TANGO2: variants seen among roughly 807,000 people sequenced by gnomAD.
The protein encoded by TANGO2 is transport and Golgi organization protein 2 homolog.
TANGO2 carries 26 observed loss-of-function variants against 39.1 expected under a neutral mutation model. That is an observed-to-expected ratio of 0.67 (90% CI 0.49 to 0.92). TANGO2 has a LOEUF of 0.92. TANGO2 is among the 40% of genes least tolerant of loss of function. The probability of loss-of-function intolerance (pLI) is 0.00; values close to 1 mark genes in which losing one functional copy is unlikely to be tolerated. For missense variants in TANGO2, 326 were observed against 360.1 expected (o/e 0.91, Z 0.77); for synonymous variants, 131 against 144.5 (o/e 0.91, Z 0.67).
intron 3 of TANGO2, among the ~76,000 whole-genome samples, chr22:20,043,875 G>C (rs1569284396): frequency 6.6e-6 from 1 of 152,164 alleles, no homozygotes; most frequent in African/African-American, 2.4e-5. Flanking sequence ...CCTTGCTTCA[G>C]GGATGGTGGG....
chr22:20,055,485 C>A (rs539612409), intron 5 of TANGO2: 1 of 226,550 alleles, frequency 4.4e-6, no homozygotes, highest in Admixed American at 5.1e-5. Context: ...AAAATGTGGT[C>A]TTTGGCGCTT....
intron 7 of TANGO2, 183 bp downstream of exon 7, chr22:20,061,866 C>A: frequency 1.3e-6 from 1 of 768,956 alleles, no homozygotes; most frequent in South Asian, 2.2e-5. Flanking sequence ...GTTTCCAACA[C>A]CAGGGACTTT....
rs1277890757 is a variant in TANGO2, at chr22:20,052,523, C to T, written c.204C>T (p.Gly68=). The T allele has an allele frequency of 2.5e-6, 4 of 1,605,578 alleles. No individual in the cohort carries two copies. Among genetic ancestry groups the T allele is most frequent in the Non-Finnish European group, 3.4e-6 (4 of 1,176,356 alleles). ...GGTWLGISTR[G]KLAALTNYLQ... ...CATGGCTGGGCATCAGCACACGTGG[C>T]AAGCTGGCAGCACTCACCAACTACC... The change falls in exon 4 of 9, where the codon GGC becomes GGT. Residue 68 remains glycine (G), a synonymous_variant. Coordinates refer to ENST00000327374, the MANE Select transcript of TANGO2 (RefSeq NM_152906.7).
rs973552992 is a variant in TANGO2, at chr22:20,033,877, A to G, written c.-39-2883A>G. Among the ~76,000 whole-genome samples the G allele has an allele frequency of 5.3e-5, 8 of 152,358 alleles. 1 individual carries two copies. In the South Asian group the frequency reaches 1.0e-3, roughly 20 times the overall value. On this transcript the variant is annotated intron_variant, in intron 1 of 8. Transcript: ENST00000327374. ...AACCCACAGCTGAGCTTTAATGTGC[A>G]GTCACTGAAGCTTTCATTTCTAAAA... is the stretch of plus-strand genomic sequence containing the variant.
At chr22:20,052,984 T>A (rs1207709167) in intron 4 of TANGO2, among the ~76,000 whole-genome samples, 1 of 152,058 alleles carries the variant, frequency 6.6e-6, no homozygotes. Context: ...CCCTCTGGCG[T>A]CGCAGCCAGG....
chr22:20,036,864 T>C lies in TANGO2; in HGVS notation c.56+10T>C, dbSNP rs761581879. 2 of 1,614,108 alleles carry C rather than the reference T, an allele frequency of 1.2e-6. No homozygotes were observed. Among genetic ancestry groups the C allele is most frequent in the Non-Finnish European group, 1.7e-6 (2 of 1,180,052 alleles). On this transcript the variant is annotated intron_variant, in intron 2 of 8. Transcript: ENST00000327374. The stretch of plus-strand genomic sequence containing the variant: ...CCAAAAACGCGTACAGGTAACCCCC[T>C]CGCTCTGCATCTGCTGCGCCCTGCA...
chr22:20,024,644 G>A (rs2040385414), intron 1 of TANGO2, among the ~76,000 whole-genome samples: 1 of 152,216 alleles, frequency 6.6e-6, no homozygotes, highest in African/African-American at 2.4e-5. Context: ...GACTCACCAT[G>A]TGCAGCCCCA....
Position 20,057,892 on chromosome 22 carries a change from G to A in TANGO2, c.451+1879G>A, listed in dbSNP as rs1022187722. On this transcript the variant is annotated intron_variant, in intron 6 of 8. Coordinates refer to ENST00000327374, the MANE Select transcript of TANGO2 (RefSeq NM_152906.7). The surrounding 1 kb of genome is among the most constrained non-coding windows in gnomAD (Gnocchi z 4.1). The stretch of plus-strand genomic sequence containing the variant: ...GGGCAGTCGCTGTAACCATCCACGT[G>A]GCATCCTCGGTTCTCAGAGGCTGAG... 8.5e-5 allele frequency: 13 copies of A among 152,292 alleles called. No individual in the cohort carries two copies. Among genetic ancestry groups the A allele is most frequent in the African/African-American group, 2.9e-4 (12 of 41,548 alleles). 9.4% of individuals were successfully genotyped at this position (152,292 alleles called of 1,614,324 possible). A position where few individuals can be genotyped will look rare whatever the true frequency, so the allele number is the denominator to read the frequency against.
Position 20,043,420 on chromosome 22 carries a change from G to A in TANGO2, c.122G>A (p.Gly41Glu). ...SRPSKLADFW[G>E]NNNEILSGLD... ...CCCTCCAAGTTAGCTGACTTCTGGG[G>A]GAACAACAACGAGATCCTCAGTGGT... Residue 41 changes from glycine (G) to glutamate (E), a missense_variant, in exon 3 of 9, where the codon GGG becomes GAG. Coordinates refer to ENST00000327374, the MANE Select transcript of TANGO2 (RefSeq NM_152906.7). 1.9e-6 allele frequency: 3 copies of A among 1,613,388 alleles called. No homozygotes were observed. Among genetic ancestry groups the A allele is most frequent in the African/African-American group, 1.3e-5 (1 of 75,060 alleles).
rs1374447640 is a variant in TANGO2, at chr22:20,061,345, C to T, written c.452-185C>T. On this transcript the variant is annotated intron_variant, in intron 6 of 8. Coordinates refer to ENST00000327374, the MANE Select transcript of TANGO2 (RefSeq NM_152906.7). ...TCCGCCTACTGCTGAGTTCTCCTCT[C>T]CTTGCCATGCCATCAGGTCAGGAAT... 4 of 633,706 alleles carry T rather than the reference C, an allele frequency of 6.3e-6. No individual in the cohort carries two copies. The Admixed American group carries it at 1.4e-4, about 22-fold the overall frequency. 39.3% of individuals were successfully genotyped at this position (633,706 alleles called of 1,614,324 possible).
chr22:20,055,877 C>T, intron 5 of TANGO2, 66 bp from the exon 6 acceptor site: 1 of 1,383,374 alleles, frequency 7.2e-7, no homozygotes, highest in Non-Finnish European at 1.0e-6. Context: ...GCTGTGAGAT[C>T]ACCGGGCAGT....
chr22:20,050,115 G>A (rs1475688353), intron 3 of TANGO2, among the ~76,000 whole-genome samples: 4 of 151,996 alleles, frequency 2.6e-5, no homozygotes, highest in Admixed American at 2.6e-4. Context: ...GGAGGCTGAG[G>A]CAGGAGAATG....
chr22:20,035,921 C>T (rs2531712), intron 1 of TANGO2, among the ~76,000 whole-genome samples: 4,594 of 152,232 alleles, frequency 0.03, 114 homozygotes, highest in South Asian at 0.079. Flanking sequence ...TATACTAGGC[C>T]ACCCTGCTTG....
At chr22:20,055,868 C>T (rs2047232098) in intron 5 of TANGO2, 75 bp from the exon 6 acceptor site, 3 of 1,314,896 alleles carry the variant, frequency 2.3e-6, no homozygotes, top group South Asian at 2.4e-5. Flanking sequence ...AGAAACAGGG[C>T]TGTGAGATCA....
At chr22:20,063,088 G>T (rs1243193417) in intron 7 of TANGO2, 1 of 422,902 alleles carries the variant, frequency 2.4e-6, no homozygotes, top group African/African-American at 2.0e-5. Flanking sequence ...CTCGGGAGGT[G>T]GAAGTTGCAG....
At chr22:20,019,975 C>G (rs1478549709), upstream of TANGO2, among the ~76,000 whole-genome samples, 1 of 152,348 alleles carries the variant, frequency 6.6e-6, no homozygotes, top group African/African-American at 2.4e-5. Context: ...GCACAACGGG[C>G]CCGCATGTAG....
chr22:20,017,976 C>T (rs1052333910), upstream of TANGO2, among the ~76,000 whole-genome samples: 36 of 152,212 alleles, frequency 2.4e-4, no homozygotes, highest in African/African-American at 8.4e-4. Flanking sequence ...GCCTGGGGAA[C>T]CAAACTGCCC....
Position 20,061,380 on chromosome 22 carries a change from G to A in TANGO2, c.452-150G>A, listed in dbSNP as rs1410699296. On this transcript the variant is annotated intron_variant, in intron 6 of 8. Coordinates refer to ENST00000327374, the MANE Select transcript of TANGO2 (RefSeq NM_152906.7). Reference sequence around the variant, plus strand: ...CCATCAGGTCAGGAATGAGCATGGGGAAGGAGCTGGAGCATGGAGCGGCTT... The same window carrying A: ...CCATCAGGTCAGGAATGAGCATGGGAAAGGAGCTGGAGCATGGAGCGGCTT... 43 of 848,452 alleles carry A rather than the reference G, an allele frequency of 5.1e-5. No homozygotes were observed. In the South Asian group the frequency reaches 8.1e-4, roughly 16 times the overall value. The allele number at this position is 848,452 out of a possible 1,614,324, so 52.6% of individuals were successfully genotyped here. A position where few individuals can be genotyped will look rare whatever the true frequency, so the allele number is the denominator to read the frequency against.
intron 3 of TANGO2, among the ~76,000 whole-genome samples, chr22:20,050,005 G>A (rs913348318): frequency 5.3e-5 from 8 of 152,186 alleles, no homozygotes; most frequent in Middle Eastern, 3.4e-3. Flanking sequence ...TCAGGAGACC[G>A]AGACCATCTT....
Sources: gnomAD v4.1 joint callset for allele counts (sites outside exome capture counted in the v4.1 genomes callset) on GRCh38, gnomAD v4.1.1 for gene constraint, Gnocchi (gnomAD v3.1) non-coding constraint, MANE v1.5 for transcripts, NCBI Gene and HGNC (gene_info 2026-07-23, HGNC 2026-07-21) for gene names.